BTN1A1: variants seen among roughly 807,000 people sequenced by gnomAD.
The protein encoded by BTN1A1 is bK14H9.2 (butyrophilin, subfamily 1, member A1).
In BTN1A1, 26 loss-of-function variants were observed where a neutral mutation model predicts 33.1. The observed-to-expected ratio is 0.79, with a 90% CI of 0.58 to 1.09. The LOEUF is 1.09. BTN1A1 is among the 50% of genes least tolerant of loss of function. BTN1A1 has a pLI of 0.00. For synonymous variants in BTN1A1, 235 were observed against 256.2 expected, an observed-to-expected ratio of 0.92 and a Z score of 0.79; for missense variants, 558 against 655.7, an observed-to-expected ratio of 0.85 and a Z score of 1.63.
intron 7 of BTN1A1, 113 bp downstream of exon 7, chr6:26,508,200 G>C: frequency 2.2e-6 from 3 of 1,339,340 alleles, no homozygotes; most frequent in Non-Finnish European, 2.1e-6. Flanking sequence ...GACAGGAAGG[G>C]AAACGGTGAT....
chr6:26,506,560 T>C, intron 4 of BTN1A1, 123 bp from the exon 5 acceptor site: 1 of 990,784 alleles, frequency 1.0e-6, no homozygotes, highest in Non-Finnish European at 1.5e-6. Context: ...ACTATTTTTT[T>C]GCTATATGAG....
In BTN1A1 at chr6:26,501,950, G is replaced by C. The variant is rs1297364092; in HGVS notation, c.427+13G>C. On this transcript the variant is annotated intron_variant, in intron 3 of 7. Coordinates refer to ENST00000684113, the MANE Select transcript of BTN1A1 (RefSeq NM_001732.3). The surrounding 1 kb of genome is among the most constrained non-coding windows in gnomAD (Gnocchi z 5.2). Reference sequence around the variant, plus strand: ...CTGAAGGTGGCTGGTGAGTAGACGGGTTTTGACTTTCTCCGACGACTCCCC... The same window carrying C: ...CTGAAGGTGGCTGGTGAGTAGACGGCTTTTGACTTTCTCCGACGACTCCCC... The C allele has an allele frequency of 2.6e-6, 4 of 1,538,618 alleles. No individual in the cohort carries two copies. Among genetic ancestry groups the C allele is most frequent in the Non-Finnish European group, 3.5e-6 (4 of 1,143,250 alleles).
chr6:26,506,794 A>G lies in BTN1A1; in HGVS notation c.821A>G (p.Glu274Gly). Residue 274 changes from glutamate to glycine, a missense_variant, in exon 5 of 8, where the codon GAA becomes GGA. By Grantham distance (98) the Glu-to-Gly change is moderately conservative. Coordinates refer to ENST00000684113, the MANE Select transcript of BTN1A1 (RefSeq NM_001732.3). The part of the protein sequence containing the change: ...SIFFTWRLYN[E>G]RPRERRNEFS... The stretch of plus-strand genomic sequence containing the variant: ...TTTTTCACTTGGAGACTATACAACG[A>G]AAGACCCAGAGAGAGGAGGAATGAA... 1.2e-6 allele frequency: 2 copies of G among 1,614,176 alleles called. No individual in the cohort carries two copies. Among genetic ancestry groups the G allele is most frequent in the Non-Finnish European group, 1.7e-6 (2 of 1,180,018 alleles).
rs1407991323 is a variant in BTN1A1 at position 26,509,839 on chromosome 6, G to GT, written c.*666dup. 3.9e-5 allele frequency: 6 copies of GT among 152,444 alleles called. No individual in the cohort carries two copies. In the East Asian group the frequency reaches 1.2e-3, roughly 29 times the overall value. The allele number at this position is 152,444 out of a possible 1,614,324, so 9.4% of individuals were successfully genotyped here. A position where few individuals can be genotyped will look rare whatever the true frequency, so the allele number is the denominator to read the frequency against. On this transcript the variant is annotated 3_prime_UTR_variant, in exon 8 of 8. Transcript: ENST00000684113. ...AGGGATGAAGGGTCAGGCAGAAAGC[G>GT]TGATAGAGGAGAGAATTTTTGACAA...
Position 26,509,253 on chromosome 6 carries a change from T to G in BTN1A1, c.*79T>G. 4.3e-5 allele frequency: 54 copies of G among 1,268,288 alleles called. No homozygotes were observed. The highest frequency in any genetic ancestry group is 5.5e-5 in the Non-Finnish European group (50 of 911,168). The allele number at this position is 1,268,288 out of a possible 1,614,324, so 78.6% of individuals were successfully genotyped here. A position where few individuals can be genotyped will look rare whatever the true frequency, so the allele number is the denominator to read the frequency against. The stretch of plus-strand genomic sequence containing the variant: ...CTTCTGAGGCTTCACCTGCTAGCTT[T>G]ACCCAGTCTGTTTCTTCCTGTTGGG... On this transcript the variant is annotated 3_prime_UTR_variant, in exon 8 of 8. Transcript: ENST00000684113.
intron 3 of BTN1A1, among the ~76,000 whole-genome samples, chr6:26,503,854 A>T (rs1763833721): frequency 6.6e-6 from 1 of 152,110 alleles, no homozygotes; most frequent in African/African-American, 2.4e-5. Flanking sequence ...GATGGCATAA[A>T]ATGTGTTACC....
intron 4 of BTN1A1, among the ~76,000 whole-genome samples, chr6:26,506,262 G>T (rs576275432): frequency 6.6e-6 from 1 of 152,042 alleles, no homozygotes. Context: ...TTATTCCCCA[G>T]ATACTGTCTC....
intron 5 of BTN1A1, 129 bp downstream of exon 5, chr6:26,506,961 C>G (rs114803514): frequency 0.012 from 13,939 of 1,179,698 alleles, 143 homozygotes; most frequent in South Asian, 0.032. Context: ...TGGCTCACGC[C>G]TGTAATCCCA....
Position 26,508,446 on chromosome 6 carries a change from G to A in BTN1A1, c.908-55G>A, listed in dbSNP as rs900851330. ...CTGTTTCTTAGGAGAAGGAAAGACA[G>A]TCCTGCAACCTGTAATATTCACTGA... On this transcript the variant is annotated intron_variant, in intron 7 of 7. Transcript: ENST00000684113. The A allele has an allele frequency of 3.9e-6, 6 of 1,530,780 alleles. No homozygotes were observed. In the Admixed American group the frequency reaches 7.3e-5, roughly 19 times the overall value. The allele number at this position is 1,530,780 out of a possible 1,614,324, so 94.8% of individuals were successfully genotyped here. A position where few individuals can be genotyped will look rare whatever the true frequency, so the allele number is the denominator to read the frequency against.
At position 26,510,034 on chromosome 6, in the gene BTN1A1, A is replaced by C. The variant is rs1230792794; in HGVS notation, c.*860A>C. 1 of 152,468 alleles carries C rather than the reference A, an allele frequency of 6.6e-6. No individual in the cohort carries two copies. The highest frequency in any genetic ancestry group is 6.5e-5 in the Admixed American group (1 of 15,276). 9.4% of individuals were successfully genotyped at this position (152,468 alleles called of 1,614,324 possible). On this transcript the variant is annotated 3_prime_UTR_variant, in exon 8 of 8. Coordinates refer to ENST00000684113, the MANE Select transcript of BTN1A1 (RefSeq NM_001732.3). ...CTCTCTATTTCAAAGACATTCCTAG[A>C]AGTCATCCTTCAGTGATATCACCAC...
intron 5 of BTN1A1, among the ~76,000 whole-genome samples, chr6:26,507,306 G>A (rs1763883357): frequency 1.3e-5 from 2 of 152,160 alleles, no homozygotes; most frequent in African/African-American, 2.4e-5. Flanking sequence ...CCAATATGAA[G>A]AAGCACAGAG....
rs750270395 is a variant in BTN1A1, at chr6:26,501,672, G to A, written c.162G>A (p.Pro54=). ...CCGAGCTGCCCTGTCGCCTGTCTCC[G>A]AACGCGAGCGCCGAGCACTTGGAGC... The part of the protein sequence containing the change: ...EDAELPCRLS[P]NASAEHLELR... Residue 54 remains proline, a synonymous_variant, in exon 3 of 8, where the codon CCG becomes CCA. Transcript: ENST00000684113. The surrounding 1 kb of genome is among the most constrained non-coding windows in gnomAD (Gnocchi z 5.2). 13 of 1,614,004 alleles carry A rather than the reference G, an allele frequency of 8.1e-6. No individual in the cohort carries two copies. The highest frequency in any genetic ancestry group is 4.4e-5 in the South Asian group (4 of 91,082).
At chr6:26,503,077 C>A (rs899230116) in intron 3 of BTN1A1, among the ~76,000 whole-genome samples, 1 of 152,000 alleles carries the variant, frequency 6.6e-6, no homozygotes, top group African/African-American at 2.4e-5. Context: ...ATAATCTCAG[C>A]GCTTTGGGAA....
Position 26,508,687 on chromosome 6 carries a change from G to A in BTN1A1, c.1094G>A (p.Gly365Glu). 1 of 1,614,190 alleles carries A rather than the reference G, an allele frequency of 6.2e-7. No individual in the cohort carries two copies. Among genetic ancestry groups the A allele is most frequent in the Non-Finnish European group, 8.5e-7 (1 of 1,180,038 alleles). The change falls in exon 8 of 8, where the codon GGA becomes GAA. Residue 365 changes from glycine (G) to glutamate (E), a missense_variant. Coordinates refer to ENST00000684113, the MANE Select transcript of BTN1A1 (RefSeq NM_001732.3). The stretch of plus-strand genomic sequence containing the variant: ...AGGCATTACTGGGAGGTGGAGGTGG[G>A]AGACAGGACTGACTGGGCAATCGGC... Reference protein sequence around the residue: ...SGRHYWEVEVGDRTDWAIGVC... With the variant: ...SGRHYWEVEVEDRTDWAIGVC...
At chr6:26,502,365 C>T (rs1302483281) in intron 3 of BTN1A1, among the ~76,000 whole-genome samples, 1 of 152,172 alleles carries the variant, frequency 6.6e-6, no homozygotes, top group Admixed American at 6.5e-5. Context: ...GTTATTTGCA[C>T]AGGAGGGCTG....
chr6:26,505,444 C>T (rs2113892455), intron 4 of BTN1A1, among the ~76,000 whole-genome samples: 1 of 152,294 alleles, frequency 6.6e-6, no homozygotes, highest in East Asian at 1.9e-4. Context: ...TTTTTTGAGA[C>T]AGTGTCTCAC....
rs762906905 is a variant in BTN1A1 at position 26,508,041 on chromosome 6, A to G, written c.881-20A>G. 2 of 1,612,580 alleles carry G rather than the reference A, an allele frequency of 1.2e-6. No individual in the cohort carries two copies. The highest frequency in any genetic ancestry group is 1.7e-6 in the Non-Finnish European group (2 of 1,179,626). ...CTTATTATATAACCTGTCAATGACT[A>G]TCTTTCTCTTTTGTTGCAGAATGGA... On this transcript the variant is annotated intron_variant, in intron 6 of 7. Transcript: ENST00000684113.
Position 26,508,581 on chromosome 6 carries a change from T to A in BTN1A1, c.988T>A (p.Ser330Thr), listed in dbSNP as rs2113895370. 6.2e-7 allele frequency: 1 copy of A among 1,614,192 alleles called. No homozygotes were observed. The highest frequency in any genetic ancestry group is 1.1e-5 in the South Asian group (1 of 91,086). The stretch of plus-strand genomic sequence containing the variant: ...TTCAAAATCTGTTCGACTGGAAGAT[T>A]CACGTCAGAAACTGCCTGAGAAAAC... ...EDSKSVRLED[S>T]RQKLPEKTER... is the part of the protein sequence containing the mutation. The change falls in exon 8 of 8, where the codon TCA becomes ACA. Residue 330 changes from serine (S) to threonine (T), a missense_variant. Transcript: ENST00000684113.
At chr6:26,504,067 C>T (rs1763840150) in intron 3 of BTN1A1, among the ~76,000 whole-genome samples, 4 of 152,014 alleles carry the variant, frequency 2.6e-5, no homozygotes, top group Admixed American at 2.0e-4. Context: ...GCTAAACACA[C>T]AAGAAAAGCA....
Sources: gnomAD v4.1 joint callset for allele counts (sites outside exome capture counted in the v4.1 genomes callset) on GRCh38, gnomAD v4.1.1 for gene constraint, Gnocchi (gnomAD v3.1) non-coding constraint, MANE v1.5 for transcripts, NCBI Gene and HGNC (gene_info 2026-07-23, HGNC 2026-07-21) for gene names.